Variants in NAALADL2 observed in about 807,000 individuals in gnomAD.
NAALADL2 encodes the protein N-acetylated alpha-linked acidic dipeptidase like 2, also known as inactive N-acetylated-alpha-linked acidic dipeptidase-like protein 2.
In NAALADL2, 76 loss-of-function variants were observed where a neutral mutation model predicts 87.2. That is an observed-to-expected ratio of 0.87 (90% confidence interval 0.72 to 1.05). The LOEUF is 1.05. NAALADL2 is among the 50% of genes least tolerant of loss of function. The pLI is 0.00. For synonymous variants in NAALADL2, 354 were observed against 331.0 expected (o/e 1.07, Z -0.75); for missense variants, 1,089 against 945.8 (o/e 1.15, Z -1.99).
chr3:174,628,874 A>G (rs1463124164), intron 2 of NAALADL2, among the ~76,000 whole-genome samples: 1 of 152,192 alleles, frequency 6.6e-6, no homozygotes, highest in African/African-American at 2.4e-5. Flanking sequence ...TTTTTAAGGA[A>G]TATGTGTAAG....
At chr3:175,096,422 A>G (rs973669353) in intron 1 of NAALADL2, among the ~76,000 whole-genome samples, 4 of 151,606 alleles carry the variant, frequency 2.6e-5, no homozygotes, top group African/African-American at 4.9e-5. Context: ...TGCCTTCTGC[A>G]TTGCATCATC....
chr3:175,183,040 T>C (rs1254405135), intron 2 of NAALADL2, among the ~76,000 whole-genome samples: 3 of 111,094 alleles, frequency 2.7e-5, no homozygotes, highest in Non-Finnish European at 6.3e-5. Flanking sequence ...TGTGGTTCTA[T>C]ATGAACTTTA....
At position 175,054,581 on chromosome 3, in the gene NAALADL2, T is replaced by C. The variant is rs576389449; in HGVS notation, c.44-42209T>C. 6.6e-5 allele frequency among the ~76,000 whole-genome samples: 10 copies of C among 152,338 alleles called. 1 individual carries two copies. In the South Asian group the frequency reaches 2.1e-3, roughly 32 times the overall value. On this transcript the variant is annotated intron_variant, in intron 1 of 13. Transcript: ENST00000454872. Reference sequence around the variant, plus strand: ...TCTAATTGTTCACTAACTAATCCTCTAAAGCCTACAGTTTCTCTTCACTTA... The same window carrying C: ...TCTAATTGTTCACTAACTAATCCTCCAAAGCCTACAGTTTCTCTTCACTTA...
intron 9 of NAALADL2, among the ~76,000 whole-genome samples, chr3:175,526,100 A>C (rs1733378060): frequency 6.6e-6 from 1 of 152,226 alleles, no homozygotes; most frequent in African/African-American, 2.4e-5. Context: ...CAGCCTTTTT[A>C]AAAATGAGGA....
chr3:175,142,552 C>A (rs1730154645), intron 2 of NAALADL2, among the ~76,000 whole-genome samples: 1 of 151,950 alleles, frequency 6.6e-6, no homozygotes, highest in Admixed American at 6.6e-5. Context: ...CAGATTTAAA[C>A]CCATGAATCT....
rs191896758 is a variant in NAALADL2, at chr3:175,780,035, G to T, written c.2190-22970G>T. Among the ~76,000 whole-genome samples the T allele has an allele frequency of 5.3e-4, 80 of 152,042 alleles. No individual in the cohort carries two copies. In the East Asian group the frequency reaches 0.013, roughly 25 times the overall value. ...TGTAATCCCAGCACTCTGGGAGGCCGAGGTGGGCAGATCACGAGGTCAGTA... is the reference window on the plus strand; with the variant it reads ...TGTAATCCCAGCACTCTGGGAGGCCTAGGTGGGCAGATCACGAGGTCAGTA... On this transcript the variant is annotated intron_variant, in intron 13 of 13. Coordinates refer to ENST00000454872, the MANE Select transcript of NAALADL2 (RefSeq NM_207015.3).
chr3:175,343,655 G>GTTTTTTTTTTTTTTTTTTTTTTTTTTTTT lies in NAALADL2; in HGVS notation c.1090+19351_1090+19352insTTTTTTTTTTTTTTTTTTTTTTTTTTTTT, dbSNP rs113806607. ...TGGAGTTCCTGTGTGTCTTGATCAT[G>GTTTTTTTTTTTTTTTTTTTTTTTTTTTTT]TTTTTTTTTTTTTTTTTTTTTCCCT... On this transcript the variant is annotated intron_variant, in intron 5 of 13. Transcript: ENST00000454872. 1.1e-3 allele frequency among the ~76,000 whole-genome samples: 69 copies of GTTTTTTTTTTTTTTTTTTTTTTTTTTTTT among 64,714 alleles called. 11 individuals carry two copies. The highest frequency in any genetic ancestry group is 1.7e-3 in the Non-Finnish European group (50 of 30,108). 42.5% of individuals were successfully genotyped at this position (64,714 alleles called of 152,430 possible).
At chr3:174,930,639 T>TTTTTTTTTTTTA (rs1491176602) in intron 1 of NAALADL2, among the ~76,000 whole-genome samples, 1 of 136,264 alleles carries the variant, frequency 7.3e-6, no homozygotes, top group African/African-American at 2.7e-5. Context: ...TTTTTTTTTT[T>TTTTTTTTTTTTA]GAGACAGAGT....
chr3:175,482,690 T>C (rs1726665968), intron 9 of NAALADL2, among the ~76,000 whole-genome samples: 1 of 151,916 alleles, frequency 6.6e-6, no homozygotes, highest in African/African-American at 2.4e-5. Flanking sequence ...ACTAATTTTG[T>C]TGAGATTATC....
chr3:174,729,831 AT>A (rs1333805547), intron 2 of NAALADL2, among the ~76,000 whole-genome samples: 5 of 151,958 alleles, frequency 3.3e-5, no homozygotes, highest in Non-Finnish European at 7.4e-5. Context: ...TCTTCTCATT[AT>A]TTTTTAATGT....
chr3:175,696,188 A>G (rs994269891), intron 11 of NAALADL2, among the ~76,000 whole-genome samples: 1 of 152,208 alleles, frequency 6.6e-6, no homozygotes. Flanking sequence ...TATGTAATAT[A>G]CATTAGTGCT....
At chr3:174,807,209 C>A (rs1300559344) in intron 3 of NAALADL2, among the ~76,000 whole-genome samples, 3 of 151,872 alleles carry the variant, frequency 2.0e-5, no homozygotes, top group Non-Finnish European at 4.4e-5. Flanking sequence ...TACCACCCAA[C>A]TTTTTTTTCT....
At chr3:175,549,466 T>TA (rs1360826813) in intron 9 of NAALADL2, among the ~76,000 whole-genome samples, 3 of 151,990 alleles carry the variant, frequency 2.0e-5, no homozygotes, top group Non-Finnish European at 4.4e-5. Context: ...CTTATTAACT[T>TA]AATTTTGTTC....
intron 5 of NAALADL2, among the ~76,000 whole-genome samples, chr3:175,421,040 C>G (rs560296072): frequency 6.6e-6 from 1 of 151,850 alleles, no homozygotes; most frequent in Non-Finnish European, 1.5e-5. Context: ...ATATATCGTG[C>G]TTTTTTTCTT....
At chr3:174,634,282 T>C (rs1340307229) in intron 2 of NAALADL2, among the ~76,000 whole-genome samples, 7 of 152,148 alleles carry the variant, frequency 4.6e-5, no homozygotes, top group Non-Finnish European at 8.8e-5. Flanking sequence ...CATATTCTAC[T>C]TGAAGGCTAT....
chr3:174,809,580 T>C (rs912859933), intron 3 of NAALADL2, among the ~76,000 whole-genome samples: 4 of 152,164 alleles, frequency 2.6e-5, no homozygotes. Flanking sequence ...ACAAATTTTT[T>C]TCATGGCATC....
chr3:175,087,316 T>A (rs1209649203), intron 1 of NAALADL2, among the ~76,000 whole-genome samples: 1 of 152,094 alleles, frequency 6.6e-6, no homozygotes, highest in East Asian at 1.9e-4. Flanking sequence ...AGCTGCCCCT[T>A]CCGGGAAGGA....
At chr3:175,412,891 T>TGTATTATTATTA (rs1553887812) in intron 5 of NAALADL2, among the ~76,000 whole-genome samples, 1 of 123,012 alleles carries the variant, frequency 8.1e-6, no homozygotes, top group Non-Finnish European at 1.7e-5. Context: ...ATTTAATTTA[T>TGTATTATTATTA]TTATTATTAT....
intron 3 of NAALADL2, among the ~76,000 whole-genome samples, chr3:174,846,497 CATA>C: frequency 6.6e-6 from 1 of 152,074 alleles, no homozygotes; most frequent in Middle Eastern, 3.4e-3. Flanking sequence ...TTGTATGCCA[CATA>C]ATAAAAAAGT....
Sources: gnomAD v4.1 joint callset for allele counts (sites outside exome capture counted in the v4.1 genomes callset) on GRCh38, gnomAD v4.1.1 for gene constraint, MANE v1.5 for transcripts, NCBI Gene and HGNC (gene_info 2026-07-23, HGNC 2026-07-21) for gene names.